Variants in SLC2A2 observed in about 807,000 individuals in gnomAD.
SLC2A2 encodes solute carrier family 2, facilitated glucose transporter member 2.
A neutral mutation model predicts 54.5 loss-of-function variants in SLC2A2; 36 were observed. The observed-to-expected ratio is 0.66, with a 90% CI of 0.51 to 0.87. The LOEUF (loss-of-function observed/expected upper bound fraction) is 0.87. Ranked by LOEUF, SLC2A2 falls within the 40% of genes least tolerant of loss-of-function variation. The probability of loss-of-function intolerance (pLI) is 0.00; values close to 1 mark genes in which losing one functional copy is unlikely to be tolerated. For missense variants in SLC2A2, 543 were observed against 624.3 expected (o/e 0.87, Z 1.39); for synonymous variants, 223 against 219.1 (o/e 1.02, Z -0.16).
In SLC2A2 at chr3:170,998,201, A is replaced by G. The variant is rs759480075; in HGVS notation, c.1366T>C (p.Tyr456His). The G allele has an allele frequency of 2.5e-5, 40 of 1,613,636 alleles. No homozygotes were observed. Among genetic ancestry groups the G allele is most frequent in the Middle Eastern group, 1.6e-4 (1 of 6,082 alleles). Residue 456 changes from tyrosine (Y) to histidine (H), a missense_variant, in exon 10 of 11, where the codon TAC becomes CAC. Transcript: ENST00000314251. ...CNFIVALCFQ[Y>H]IADFCGPYVF... The stretch of plus-strand genomic sequence containing the variant: ...AATATTAGGCTGCTTACCGCAATGT[A>G]CTGGAAACACAGAGCTACAATGAAA...
At chr3:171,024,076 CA>C (rs943176697) in intron 1 of SLC2A2, among the ~76,000 whole-genome samples, 6 of 152,212 alleles carry the variant, frequency 3.9e-5, no homozygotes, top group Admixed American at 6.5e-5. Flanking sequence ...AGAAAAGCTC[CA>C]AAAGAGTCCC....
intron 1 of SLC2A2, among the ~76,000 whole-genome samples, chr3:171,019,498 A>T (rs570576414): frequency 2.3e-4 from 35 of 152,052 alleles, no homozygotes; most frequent in Non-Finnish European, 1.9e-4. Context: ...CAGAACATTC[A>T]TCCCCTTGAA....
rs1048105052 is a variant in SLC2A2, at chr3:171,006,158, T to C, written c.613-53A>G. Reference sequence around the variant, plus strand: ...ACTACATAATACTTTGGATCTACCTTTTACACTAGTTTGTTGAAAAAGTAC... The same window carrying C: ...ACTACATAATACTTTGGATCTACCTCTTACACTAGTTTGTTGAAAAAGTAC... On this transcript the variant is annotated intron_variant, in intron 5 of 10. Transcript: ENST00000314251. 5.9e-6 allele frequency: 9 copies of C among 1,527,230 alleles called. No homozygotes were observed. The Admixed American group carries it at 1.5e-4, about 26-fold the overall frequency. 94.6% of individuals were successfully genotyped at this position (1,527,230 alleles called of 1,614,324 possible). A position where few individuals can be genotyped will look rare whatever the true frequency, so the allele number is the denominator to read the frequency against.
In SLC2A2 at chr3:171,010,036, G is replaced by A. The variant is rs778548964; in HGVS notation, c.418C>T (p.Leu140Phe). 5 of 1,612,728 alleles carry A rather than the reference G, an allele frequency of 3.1e-6. No individual in the cohort carries two copies. Among genetic ancestry groups the A allele is most frequent in the Non-Finnish European group, 4.2e-6 (5 of 1,179,258 alleles). Residue 140 changes from leucine to phenylalanine, a missense_variant, in exon 4 of 11, where the codon CTC becomes TTC. Physicochemically the swap from Leu to Phe is conservative, Grantham distance 22 (BLOSUM62 0). Coordinates refer to ENST00000314251, the MANE Select transcript of SLC2A2 (RefSeq NM_000340.2). ...VANILSLVGALLMGFSKLGPS... is the reference protein window; with the variant it reads ...VANILSLVGAFLMGFSKLGPS... ...CCCAATTTTGAAAACCCCATCAAGA[G>A]AGCTCCAACTAATGACAGAATGTTT...
At chr3:171,013,974 C>T (rs1164837543) in intron 3 of SLC2A2, among the ~76,000 whole-genome samples, 3 of 141,360 alleles carry the variant, frequency 2.1e-5, no homozygotes, top group Non-Finnish European at 4.6e-5. Context: ...AGCCAGAAAC[C>T]GCATAACAAA....
intron 4 of SLC2A2, chr3:171,007,585 A>G (rs575537654): frequency 2.9e-6 from 1 of 340,920 alleles, no homozygotes. Context: ...TCAGAAAAGA[A>G]ATTGAAGAAT....
Position 170,998,317 on chromosome 3 carries a change from G to C in SLC2A2, c.1250C>G (p.Pro417Arg), listed in dbSNP as rs121909744. 2 of 1,613,606 alleles carry C rather than the reference G, an allele frequency of 1.2e-6. No homozygotes were observed. Among genetic ancestry groups the C allele is most frequent in the Non-Finnish European group, 1.7e-6 (2 of 1,179,784 alleles). The change falls in exon 10 of 11, where the codon CCG becomes CGG. Residue 417 changes from proline (P) to arginine (R), a missense_variant. By Grantham distance (103) the Pro-to-Arg change is moderately radical (BLOSUM62 -2). Around this residue, in one of 3 missense-constraint regions of SLC2A2, gnomAD observed 117 missense variants for 179.2 expected, o/e 0.65. Coordinates refer to ENST00000314251, the MANE Select transcript of SLC2A2 (RefSeq NM_000340.2). Reference protein sequence around the residue: ...FVSFFEIGPGPIPWFMVAEFF... With the variant: ...FVSFFEIGPGRIPWFMVAEFF... Reference sequence around the variant, plus strand: ...CTCAGCCACCATGAACCAGGGGATCGGGCCTGGCCCAATTTCAAAGAAGCT... The same window carrying C: ...CTCAGCCACCATGAACCAGGGGATCCGGCCTGGCCCAATTTCAAAGAAGCT...
At chr3:171,023,446 GTAATGTTTA>G (rs1461566398) in intron 1 of SLC2A2, among the ~76,000 whole-genome samples, 2 of 152,198 alleles carry the variant, frequency 1.3e-5, no homozygotes, top group Non-Finnish European at 2.9e-5. Flanking sequence ...ATGAAAAGAA[GTAATGTTTA>G]TAGTCAGCCT....
chr3:170,998,195 C>T lies in SLC2A2; in HGVS notation c.1372G>A (p.Ala458Thr). The T allele has an allele frequency of 6.2e-7, 1 of 1,613,690 alleles. No individual in the cohort carries two copies. The highest frequency in any genetic ancestry group is 1.3e-5 in the African/African-American group (1 of 75,006). ...CTGTGGAATATTAGGCTGCTTACCG[C>T]AATGTACTGGAAACACAGAGCTACA... is the stretch of plus-strand genomic sequence containing the variant. ...FIVALCFQYI[A>T]DFCGPYVFFL... Residue 458 changes from alanine (A) to threonine (T), a missense_variant and splice_region_variant, in exon 10 of 11, where the codon GCG becomes ACG. By Grantham distance (58) the Ala-to-Thr change is moderately conservative. This residue lies in a region of SLC2A2 where 108 missense variants were observed against 101.3 expected (regional missense o/e 1.07). Coordinates refer to ENST00000314251, the MANE Select transcript of SLC2A2 (RefSeq NM_000340.2).
At chr3:171,014,843 T>G (rs1308611903) in intron 2 of SLC2A2, 112 bp from the exon 3 acceptor site, 1 of 813,360 alleles carries the variant, frequency 1.2e-6, no homozygotes, top group African/African-American at 1.7e-5. Flanking sequence ...TTATGTGTTT[T>G]ATATACATAT....
At chr3:171,018,703 T>A (rs1392234535) in intron 1 of SLC2A2, 80 bp from the exon 2 acceptor site, 9 of 923,684 alleles carry the variant, frequency 9.7e-6, no homozygotes, top group Non-Finnish European at 1.6e-5. Flanking sequence ...CAGCTTAAAC[T>A]TCTTACAGGC....
chr3:171,012,300 T>G (rs768319534), intron 3 of SLC2A2, among the ~76,000 whole-genome samples: 1 of 152,238 alleles, frequency 6.6e-6, no homozygotes, highest in African/African-American at 2.4e-5. Context: ...ACCTAATAAC[T>G]TGCTCATTTT....
intron 4 of SLC2A2, among the ~76,000 whole-genome samples, chr3:171,007,719 T>G (rs887135602): frequency 5.9e-5 from 9 of 151,956 alleles, no homozygotes; most frequent in Non-Finnish European, 1.3e-4. Flanking sequence ...AGCATTAGTG[T>G]GAGAACAGCA....
chr3:171,004,936 A>G (rs1715521286), intron 7 of SLC2A2, among the ~76,000 whole-genome samples: 2 of 151,936 alleles, frequency 1.3e-5, no homozygotes, highest in Admixed American at 6.6e-5. Flanking sequence ...GCTATCAGAA[A>G]TCCTAAATTC....
At chr3:171,025,389 T>C (rs1047767225) in intron 1 of SLC2A2, among the ~76,000 whole-genome samples, 6 of 151,400 alleles carry the variant, frequency 4.0e-5, no homozygotes, top group Non-Finnish European at 5.9e-5. Flanking sequence ...TATATAACTA[T>C]TAACATTAAA....
Position 171,005,454 on chromosome 3 carries a change from C to T in SLC2A2, c.794G>A (p.Gly265Glu). The change falls in exon 7 of 11, where the codon GGA (glycine) becomes GAA (glutamate). Residue 265 changes from glycine (G) to glutamate (E), a missense_variant. Gly to Glu is a moderately conservative substitution (Grantham distance 98). This residue lies in a region of SLC2A2 where 318 missense variants were observed against 343.8 expected (regional missense o/e 0.93). Coordinates refer to ENST00000314251, the MANE Select transcript of SLC2A2 (RefSeq NM_000340.2). ...AATATCTTTGGTGACATCATCATAT[C>T]CTCTGAGTCTTTTCAAGCCTGTCCA... ...KAKQSLKRLRGYDDVTKDINE... is the reference protein window; with the variant it reads ...KAKQSLKRLREYDDVTKDINE... 6.2e-7 allele frequency: 1 copy of T among 1,612,214 alleles called. No homozygotes were observed. The highest frequency in any genetic ancestry group is 1.1e-5 in the South Asian group (1 of 91,052).
Position 170,997,107 on chromosome 3 carries a change from A to G in SLC2A2, c.*796T>C, listed in dbSNP as rs140738490. On this transcript the variant is annotated 3_prime_UTR_variant, in exon 11 of 11. Transcript: ENST00000314251. ...TCAATTAAAAAGCAAAGCAAACTAT[A>G]ACTCAAAGGATTGTACCAGAAGGGA... The G allele has an allele frequency of 3.8e-3, 585 of 153,728 alleles. 2 individuals carry two copies. Among genetic ancestry groups the G allele is most frequent in the Non-Finnish European group, 6.2e-3 (432 of 69,138 alleles). 9.5% of individuals were successfully genotyped at this position (153,728 alleles called of 1,614,324 possible). A position where few individuals can be genotyped will look rare whatever the true frequency, so the allele number is the denominator to read the frequency against.
chr3:170,999,638 C>T (rs761552714), intron 8 of SLC2A2, among the ~76,000 whole-genome samples: 1 of 152,080 alleles, frequency 6.6e-6, no homozygotes, highest in Non-Finnish European at 1.5e-5. Flanking sequence ...AACAGTACAA[C>T]TGTTCAGGTG....
At chr3:171,010,936 A>G (rs1002609560) in intron 3 of SLC2A2, among the ~76,000 whole-genome samples, 3 of 152,078 alleles carry the variant, frequency 2.0e-5, no homozygotes, top group Non-Finnish European at 1.5e-5. Flanking sequence ...TTTGCAGTCA[A>G]GCAGATAATG....
Sources: gnomAD v4.1 joint callset for allele counts (sites outside exome capture counted in the v4.1 genomes callset) on GRCh38, gnomAD v4.1.1 for gene constraint, gnomAD v4.1.1 regional missense constraint, MANE v1.5 for transcripts, NCBI Gene and HGNC (gene_info 2026-07-23, HGNC 2026-07-21) for gene names.